Variants in BMPR1B observed in about 807,000 individuals in gnomAD.
BMPR1B encodes bone morphogenetic protein receptor type 1B.
Under a neutral mutation model 59.1 loss-of-function variants are expected in BMPR1B, and 12 were observed. The observed-to-expected ratio is 0.20, with a 90% confidence interval of 0.13 to 0.33. The LOEUF (loss-of-function observed/expected upper bound fraction) is 0.33. BMPR1B is among the 10% of genes least tolerant of loss of function. The pLI is 1.00. For missense variants in BMPR1B, 550 were observed against 610.9 expected, an observed-to-expected ratio of 0.90 and a Z score of 1.05; for synonymous variants, 237 against 207.3, an observed-to-expected ratio of 1.14 and a Z score of -1.23.
intron 3 of BMPR1B, among the ~76,000 whole-genome samples, chr4:95,088,393 GC>G (rs1188346772): frequency 6.6e-6 from 1 of 150,462 alleles, no homozygotes; most frequent in African/African-American, 2.5e-5. Flanking sequence ...ATAGGACAAG[GC>G]TTTTTTCCTC....
At chr4:95,064,542 G>C (rs570659839) in intron 3 of BMPR1B, among the ~76,000 whole-genome samples, 1 of 151,956 alleles carries the variant, frequency 6.6e-6, no homozygotes, top group Admixed American at 6.6e-5. Context: ...CTTTGGTGCC[G>C]CAAAGACTGA....
At chr4:94,824,621 AGAAT>A (rs968828694) in intron 1 of BMPR1B, among the ~76,000 whole-genome samples, 7 of 152,360 alleles carry the variant, frequency 4.6e-5, no homozygotes, top group African/African-American at 9.6e-5. Flanking sequence ...TGACATTTAG[AGAAT>A]TAATTTTGTC....
intron 1 of BMPR1B, among the ~76,000 whole-genome samples, chr4:94,760,195 G>C (rs1253631120): frequency 6.6e-6 from 1 of 151,998 alleles, no homozygotes; most frequent in Non-Finnish European, 1.5e-5. Flanking sequence ...CTATTTATAG[G>C]GGCTTTGCCA....
At chr4:94,760,820 A>G (rs1458873137) in intron 1 of BMPR1B, among the ~76,000 whole-genome samples, 1 of 152,210 alleles carries the variant, frequency 6.6e-6, no homozygotes, top group Non-Finnish European at 1.5e-5. Flanking sequence ...TTGTAGGACG[A>G]TTGGTTCTTT....
chr4:95,121,784 A>C (rs1732549357), intron 6 of BMPR1B, among the ~76,000 whole-genome samples: 1 of 152,170 alleles, frequency 6.6e-6, no homozygotes, highest in South Asian at 2.1e-4. Context: ...AATAGAAATT[A>C]CTGTTACCTT....
At chr4:94,967,775 G>A (rs1010267948) in intron 2 of BMPR1B, among the ~76,000 whole-genome samples, 2 of 152,158 alleles carry the variant, frequency 1.3e-5, no homozygotes, top group African/African-American at 4.8e-5. Flanking sequence ...GAGCCACTGC[G>A]CCTGGCCTAG....
intron 3 of BMPR1B, among the ~76,000 whole-genome samples, chr4:95,027,344 A>T (rs550463682): frequency 1.4e-4 from 21 of 152,212 alleles, no homozygotes; most frequent in Non-Finnish European, 2.2e-4. Flanking sequence ...TAAATCAGTT[A>T]TCTGAAGTCA....
chr4:94,777,897 G>A (rs1329296103), intron 1 of BMPR1B, among the ~76,000 whole-genome samples: 1 of 151,960 alleles, frequency 6.6e-6, no homozygotes, highest in Non-Finnish European at 1.5e-5. Context: ...GTGGTGGCAG[G>A]CACCTGTAAT....
chr4:95,125,200 G>GA, intron 8 of BMPR1B, 79 bp downstream of exon 8: 1 of 1,558,808 alleles, frequency 6.4e-7, no homozygotes, highest in Non-Finnish European at 8.8e-7. Flanking sequence ...TTCACTTACT[G>GA]AAATAGGGCA....
chr4:95,023,940 G>A (rs533371598), intron 3 of BMPR1B, among the ~76,000 whole-genome samples: 1 of 152,262 alleles, frequency 6.6e-6, no homozygotes, highest in East Asian at 1.9e-4. Flanking sequence ...CCATTTTATA[G>A]CAAGAACGGA....
At chr4:94,767,008 T>C (rs1001260101) in intron 1 of BMPR1B, among the ~76,000 whole-genome samples, 1 of 152,188 alleles carries the variant, frequency 6.6e-6, no homozygotes. Context: ...TTGGCAATTC[T>C]GTTTAAAAGA....
At chr4:94,917,144 G>C (rs555069029) in intron 2 of BMPR1B, among the ~76,000 whole-genome samples, 1 of 152,240 alleles carries the variant, frequency 6.6e-6, no homozygotes, top group Non-Finnish European at 1.5e-5. Flanking sequence ...TGGATGTCCA[G>C]GCAGAGGCCT....
chr4:94,828,094 T>G (rs1329021292), intron 1 of BMPR1B, among the ~76,000 whole-genome samples: 1 of 152,236 alleles, frequency 6.6e-6, no homozygotes, highest in Admixed American at 6.5e-5. Flanking sequence ...CTTACACATT[T>G]TATTCGTAAA....
At chr4:95,064,188 GTCTT>G (rs1727628442) in intron 3 of BMPR1B, among the ~76,000 whole-genome samples, 1 of 152,098 alleles carries the variant, frequency 6.6e-6, no homozygotes, top group Admixed American at 6.6e-5. Flanking sequence ...TAATGAAACA[GTCTT>G]TGTCAATTAA....
chr4:95,041,388 AG>A (rs1725643059), intron 3 of BMPR1B, among the ~76,000 whole-genome samples: 2 of 152,086 alleles, frequency 1.3e-5, no homozygotes, highest in African/African-American at 4.8e-5. Context: ...CACGCTTTAG[AG>A]GAGAGTTCCA....
intron 1 of BMPR1B, among the ~76,000 whole-genome samples, chr4:94,856,885 ATAACAGAAGG>A (rs1463815718): frequency 2.6e-5 from 4 of 152,250 alleles, no homozygotes; most frequent in Non-Finnish European, 4.4e-5. Context: ...ACAGTTTAGC[ATAACAGAAGG>A]TAGAAGATAT....
chr4:95,013,889 T>G (rs572649053), intron 3 of BMPR1B, among the ~76,000 whole-genome samples: 4 of 152,330 alleles, frequency 2.6e-5, no homozygotes, highest in Non-Finnish European at 4.4e-5. Context: ...CTGTAGCATC[T>G]AACATCACAT....
chr4:94,817,908 A>C (rs985267207), intron 1 of BMPR1B, among the ~76,000 whole-genome samples: 1 of 152,140 alleles, frequency 6.6e-6, no homozygotes, highest in East Asian at 1.9e-4. Context: ...GGTGGCAAAA[A>C]CCAGAAACCA....
intron 3 of BMPR1B, among the ~76,000 whole-genome samples, chr4:95,005,192 A>G (rs1441832982): frequency 2.0e-5 from 3 of 152,096 alleles, no homozygotes; most frequent in African/African-American, 7.2e-5. Flanking sequence ...TGCTAACATG[A>G]TTTCATTGTT....
Sources: gnomAD v4.1 joint callset for allele counts (sites outside exome capture counted in the v4.1 genomes callset) on GRCh38, gnomAD v4.1.1 for gene constraint, MANE v1.5 for transcripts, NCBI Gene and HGNC (gene_info 2026-07-23, HGNC 2026-07-21) for gene names.